The following PLD5 variants were observed in gnomAD, a reference collection of about 807,000 sequenced individuals.
The protein encoded by PLD5 is inactive phospholipase D5.
Under a neutral mutation model 61.1 loss-of-function variants are expected in PLD5, and 36 were observed. The observed-to-expected ratio is 0.59, with a 90% CI of 0.45 to 0.78. The LOEUF (loss-of-function observed/expected upper bound fraction) is 0.78. Ranked by LOEUF, PLD5 falls within the 30% of genes least tolerant of loss-of-function variation. The probability of loss-of-function intolerance (pLI) is 0.00; values close to 1 mark genes in which losing one functional copy is unlikely to be tolerated. For synonymous variants in PLD5, 243 were observed against 242.8 expected, an observed-to-expected ratio of 1.00 and a Z score of -0.01; for missense variants, 515 against 644.4, an observed-to-expected ratio of 0.80 and a Z score of 2.17.
chr1:242,155,852 A>C (rs1441812853), intron 5 of PLD5, among the ~76,000 whole-genome samples: 2 of 152,174 alleles, frequency 1.3e-5, no homozygotes, highest in Non-Finnish European at 2.9e-5. Context: ...AGTTCTGTAG[A>C]TGTCTAATTA....
chr1:242,129,388 T>C (rs1898152), intron 5 of PLD5, among the ~76,000 whole-genome samples: 125,576 of 152,162 alleles, frequency 0.83, 52,388 homozygotes, highest in African/African-American at 0.95. Flanking sequence ...GACTCAAGCC[T>C]ATTTCTAGTT....
In PLD5 at chr1:242,089,877, C is replaced by A; in HGVS notation, c.1588G>T (p.Gly530Ter). ...SNKTATDDTG[G>*]KDPRNV ...TGTTATACGTTCCGGGGATCCTTTC[C>A]GCCTGTGTCGTCTGTGGCAGTTTTG... The change falls in exon 10 of 10, where the codon GGA becomes TGA. Residue 530 changes from glycine (G) to a stop codon, truncating the protein, a stop_gained. Transcript: ENST00000536534. LOFTEE classifies it high-confidence loss of function. 6.2e-7 allele frequency: 1 copy of A among 1,614,126 alleles called. No individual in the cohort carries two copies. Among genetic ancestry groups the A allele is most frequent in the Non-Finnish European group, 8.5e-7 (1 of 1,180,034 alleles).
rs537004096 is a variant in PLD5 at position 242,096,107 on chromosome 1, C to T, written c.1354+4561G>A. Among the ~76,000 whole-genome samples, 53 of 150,456 alleles carry T rather than the reference C, an allele frequency of 3.5e-4. 1 individual carries two copies. The highest frequency in any genetic ancestry group is 1.3e-3 in the South Asian group (6 of 4,728). ...CCAAGTAGCTGGGAATACAGGTGCC[C>T]GCCACCACACCCAGCTAATTCTTTG... On this transcript the variant is annotated intron_variant, in intron 9 of 9. Coordinates refer to ENST00000536534, the MANE Select transcript of PLD5 (RefSeq NM_001372062.1).
intron 6 of PLD5, among the ~76,000 whole-genome samples, chr1:242,118,274 T>C (rs1662103406): frequency 6.6e-6 from 1 of 152,212 alleles, no homozygotes; most frequent in African/African-American, 2.4e-5. Flanking sequence ...CTGGTTTGCC[T>C]TGAAGCTCAA....
At chr1:242,512,880 T>G (rs12408703) in intron 1 of PLD5, among the ~76,000 whole-genome samples, 52,997 of 151,566 alleles carry the variant, frequency 0.35, 9,494 homozygotes, top group Admixed American at 0.4. Flanking sequence ...TTTTTTCTTT[T>G]TTTTTTTTGG....
chr1:242,179,506 T>C (rs1355260193), intron 5 of PLD5, among the ~76,000 whole-genome samples: 3 of 152,190 alleles, frequency 2.0e-5, no homozygotes, highest in African/African-American at 4.8e-5. Context: ...TGTGAAGATA[T>C]TCAATGCTGT....
chr1:242,441,488 A>T (rs558615639), intron 1 of PLD5, among the ~76,000 whole-genome samples: 4 of 151,792 alleles, frequency 2.6e-5, no homozygotes, highest in South Asian at 4.2e-4. Context: ...AAAAAACTTT[A>T]AAAAAAAATT....
At chr1:242,149,054 A>G (rs1664743003) in intron 5 of PLD5, among the ~76,000 whole-genome samples, 1 of 151,968 alleles carries the variant, frequency 6.6e-6, no homozygotes. Flanking sequence ...ACAATGTGCA[A>G]TAGGATTAGT....
intron 8 of PLD5, among the ~76,000 whole-genome samples, chr1:242,107,412 A>G (rs1400212015): frequency 8.5e-6 from 1 of 117,688 alleles, no homozygotes; most frequent in Non-Finnish European, 1.9e-5. Context: ...ACCCTATCTC[A>G]AGAAAAAAAA....
intron 9 of PLD5, among the ~76,000 whole-genome samples, chr1:242,091,095 T>C (rs1282202745): frequency 6.6e-6 from 1 of 152,074 alleles, no homozygotes; most frequent in East Asian, 1.9e-4. Flanking sequence ...CTTCCCTCTA[T>C]GCATGTCTCT....
rs139135397 is a variant in PLD5 at position 242,321,666 on chromosome 1, A to G, written c.326+26440T>C. ...CCAGGCCTCCTCTTCTCTCCCTCCC[A>G]TAACCTGTTCTGCCATCATTACCTG... On this transcript the variant is annotated intron_variant, in intron 2 of 9. Coordinates refer to ENST00000536534, the MANE Select transcript of PLD5 (RefSeq NM_001372062.1). Among the ~76,000 whole-genome samples the G allele has an allele frequency of 3.8e-3, 572 of 151,998 alleles. 7 individuals are homozygous for G. The highest frequency in any genetic ancestry group is 0.013 in the African/African-American group (551 of 41,458).
intron 2 of PLD5, among the ~76,000 whole-genome samples, chr1:242,294,722 C>T (rs546447861): frequency 1.4e-4 from 22 of 152,270 alleles, no homozygotes; most frequent in African/African-American, 4.6e-4. Flanking sequence ...CTCAGTGACA[C>T]GCTGTGCTCA....
At chr1:242,186,599 G>C (rs1031814089) in intron 5 of PLD5, among the ~76,000 whole-genome samples, 15 of 152,120 alleles carry the variant, frequency 9.9e-5, no homozygotes, top group African/African-American at 3.1e-4. Context: ...GAGCAAAAGA[G>C]AGGTAAATGA....
intron 2 of PLD5, among the ~76,000 whole-genome samples, chr1:242,306,624 T>C (rs1278353591): frequency 6.6e-6 from 1 of 152,034 alleles, no homozygotes; most frequent in African/African-American, 2.4e-5. Flanking sequence ...ACATACAAAA[T>C]TAAAATTTGC....
In PLD5 at chr1:242,207,816, T is replaced by TA. The variant is rs1558343822; in HGVS notation, c.735+12171_735+12172insT. 1.1e-3 allele frequency among the ~76,000 whole-genome samples: 43 copies of TA among 39,104 alleles called. 2 individuals are homozygous for TA. Among genetic ancestry groups the TA allele is most frequent in the South Asian group, 1.9e-3 (2 of 1,030 alleles). 25.7% of individuals were successfully genotyped at this position (39,104 alleles called of 152,430 possible). A position where few individuals can be genotyped will look rare whatever the true frequency, so the allele number is the denominator to read the frequency against. ...TATATATATTTATATATATTTATATTTATATATTTATATATATTTATATAT... is the reference window on the plus strand; with the variant it reads ...TATATATATTTATATATATTTATATTATATATATTTATATATATTTATATAT... On this transcript the variant is annotated intron_variant, in intron 5 of 9. Transcript: ENST00000536534.
intron 5 of PLD5, among the ~76,000 whole-genome samples, chr1:242,137,850 A>G (rs1217868387): frequency 6.6e-6 from 1 of 152,162 alleles, no homozygotes; most frequent in African/African-American, 2.4e-5. Flanking sequence ...GGGAAAAAGA[A>G]AAGAAAAGGC....
intron 1 of PLD5, among the ~76,000 whole-genome samples, chr1:242,353,275 GCT>G (rs1660576306): frequency 1.3e-5 from 2 of 152,056 alleles, no homozygotes; most frequent in South Asian, 4.1e-4. Context: ...TGAAGACAGT[GCT>G]CTTTTTCCAT....
intron 2 of PLD5, among the ~76,000 whole-genome samples, chr1:242,336,098 C>A (rs1659487072): frequency 6.6e-6 from 1 of 152,092 alleles, no homozygotes; most frequent in Non-Finnish European, 1.5e-5. Flanking sequence ...TTTCAACACT[C>A]CTCAGAATTT....
chr1:242,253,534 C>T (rs957584161), intron 4 of PLD5, among the ~76,000 whole-genome samples: 3 of 151,726 alleles, frequency 2.0e-5, no homozygotes, highest in East Asian at 3.9e-4. Context: ...AGGATGGTCT[C>T]GATCTCCTGA....
Sources: gnomAD v4.1 joint callset for allele counts (sites outside exome capture counted in the v4.1 genomes callset) on GRCh38, gnomAD v4.1.1 for gene constraint, MANE v1.5 for transcripts, NCBI Gene and HGNC (gene_info 2026-07-23, HGNC 2026-07-21) for gene names.